The following ARMH3 variants were observed in gnomAD, a reference collection of about 807,000 sequenced individuals.
ARMH3 encodes the protein armadillo like helical domain containing 3.
Under a neutral mutation model 99.1 loss-of-function variants are expected in ARMH3, and 60 were observed. That is an observed-to-expected ratio of 0.61 (90% CI 0.49 to 0.75). The LOEUF is 0.75. Ranked by LOEUF, ARMH3 falls within the 30% of genes least tolerant of loss-of-function variation. The probability of loss-of-function intolerance (pLI) is 0.00; values close to 1 mark genes in which losing one functional copy is unlikely to be tolerated. For synonymous variants in ARMH3, 285 were observed against 292.8 expected (o/e 0.97, Z 0.27); for missense variants, 679 against 843.1 (o/e 0.81, Z 2.41).
chr10:102,045,129 C>CAAA (rs574856341), intron 1 of ARMH3, among the ~76,000 whole-genome samples: 924 of 80,580 alleles, frequency 0.011, 13 homozygotes, highest in African/African-American at 0.032. Flanking sequence ...GCCCTTGTCT[C>CAAA]AAAAAAAAAA....
intron 23 of ARMH3, among the ~76,000 whole-genome samples, chr10:101,903,075 G>A (rs1260754130): frequency 6.6e-6 from 1 of 152,166 alleles, no homozygotes; most frequent in African/African-American, 2.4e-5. Context: ...CTCCTGAAAG[G>A]TGACGCTACC....
intron 24 of ARMH3, among the ~76,000 whole-genome samples, chr10:101,887,592 CTTTTTTTTTTT>C (rs34624064): frequency 3.1e-5 from 3 of 96,846 alleles, no homozygotes; most frequent in Non-Finnish European, 6.0e-5. Flanking sequence ...CTCTCTCTCT[CTTTTTTTTTTT>C]TTTTTTTTTT....
chr10:101,896,512 G>T (rs2067839786), intron 23 of ARMH3, among the ~76,000 whole-genome samples: 1 of 152,180 alleles, frequency 6.6e-6, no homozygotes, highest in African/African-American at 2.4e-5. Flanking sequence ...GATGATGGTT[G>T]TACAACCCTA....
At chr10:101,963,289 C>T (rs555699428) in intron 20 of ARMH3, among the ~76,000 whole-genome samples, 32 of 151,240 alleles carry the variant, frequency 2.1e-4, no homozygotes, top group African/African-American at 7.3e-4. Context: ...ACTACAGGCA[C>T]CTGCCACCAC....
At position 102,025,141 on chromosome 10, in the gene ARMH3, A is replaced by G. The variant is rs1266398190; in HGVS notation, c.507+15T>C. ...TCCTGTCAATTAATACCCTTGACAA[A>G]CATAGGTCACTTACGGTCACTAAGC... On this transcript the variant is annotated intron_variant, in intron 6 of 25. Coordinates refer to ENST00000370033, the MANE Select transcript of ARMH3 (RefSeq NM_024541.3). 3.1e-6 allele frequency: 5 copies of G among 1,600,402 alleles called. No individual in the cohort carries two copies. Among genetic ancestry groups the G allele is most frequent in the Non-Finnish European group, 4.3e-6 (5 of 1,167,790 alleles).
At chr10:101,924,380 G>A (rs75000518) in intron 23 of ARMH3, among the ~76,000 whole-genome samples, 1 of 68,536 alleles carries the variant, frequency 1.5e-5, no homozygotes, top group Admixed American at 1.6e-4. Flanking sequence ...TTTTTTTTTT[G>A]AGACAGAGTC....
chr10:101,949,740 A>C (rs577882097), intron 22 of ARMH3, among the ~76,000 whole-genome samples: 4 of 152,312 alleles, frequency 2.6e-5, no homozygotes, highest in Admixed American at 2.6e-4. Flanking sequence ...AAATTAACTA[A>C]TATTGAAACC....
At chr10:102,032,396 T>C (rs2067151294) in intron 4 of ARMH3, among the ~76,000 whole-genome samples, 1 of 152,106 alleles carries the variant, frequency 6.6e-6, no homozygotes, top group African/African-American at 2.4e-5. Context: ...AATTACAGAT[T>C]CCTTTCAAAA....
At chr10:101,992,112 C>G in intron 17 of ARMH3, 74 bp from the exon 18 acceptor site, 4 of 1,223,156 alleles carry the variant, frequency 3.3e-6, no homozygotes, top group South Asian at 1.2e-5. Flanking sequence ...TCATCATGTT[C>G]CTTGTGCAAA....
At chr10:101,915,612 C>T (rs1843044665) in intron 23 of ARMH3, among the ~76,000 whole-genome samples, 1 of 152,116 alleles carries the variant, frequency 6.6e-6, no homozygotes, top group African/African-American at 2.4e-5. Flanking sequence ...GAAGGAGGCA[C>T]AGTAGCTGTC....
In ARMH3 at chr10:101,847,558, G is replaced by C. The variant is rs543688559; in HGVS notation, c.2040C>G (p.Val680=). ...NLAFHTLSQE[V]LLKEFSTIS ...AGATAGTGGAGAACTCCTTGAGCAG[G>C]ACTTCTTGGCTGAGTGTGTGGAAGG... The change falls in exon 26 of 26, where the codon GTC becomes GTG. Residue 680 remains valine (V), a synonymous_variant. Coordinates refer to ENST00000370033, the MANE Select transcript of ARMH3 (RefSeq NM_024541.3). 6.2e-7 allele frequency: 1 copy of C among 1,614,176 alleles called. No individual in the cohort carries two copies. Among genetic ancestry groups the C allele is most frequent in the Admixed American group, 1.7e-5 (1 of 60,024 alleles).
At chr10:101,856,345 A>C (rs1251973766) in intron 24 of ARMH3, among the ~76,000 whole-genome samples, 1 of 152,198 alleles carries the variant, frequency 6.6e-6, no homozygotes, top group East Asian at 1.9e-4. Flanking sequence ...TTTAGATGGA[A>C]GCTTGAAATT....
intron 9 of ARMH3, among the ~76,000 whole-genome samples, chr10:102,013,317 T>C (rs977567954): frequency 1.3e-5 from 2 of 152,206 alleles, no homozygotes; most frequent in Admixed American, 6.5e-5. Flanking sequence ...TAAAGGCAAG[T>C]AGCATTCAAT....
Position 101,846,061 on chromosome 10 carries a change from T to C in ARMH3, c.*1467A>G, listed in dbSNP as rs1051767905. ...GTTGGGAAAGCCTATAGTGGTTCCA[T>C]GGAGGCTATCCAAGGGAGGAACCAC... On this transcript the variant is annotated 3_prime_UTR_variant, in exon 26 of 26. Transcript: ENST00000370033. 1.3e-5 allele frequency: 2 copies of C among 152,176 alleles called. No individual in the cohort carries two copies. Among genetic ancestry groups the C allele is most frequent in the African/African-American group, 4.8e-5 (2 of 41,426 alleles). 9.4% of individuals were successfully genotyped at this position (152,176 alleles called of 1,614,324 possible). A position where few individuals can be genotyped will look rare whatever the true frequency, so the allele number is the denominator to read the frequency against.
chr10:102,025,294 C>T (rs1463336702), intron 5 of ARMH3, 46 bp from the exon 6 acceptor site: 2 of 1,483,122 alleles, frequency 1.3e-6, no homozygotes, highest in Non-Finnish European at 9.4e-7. Flanking sequence ...AGATAACACC[C>T]CACCTTTGTC....
At chr10:101,908,202 A>G (rs1329123922) in intron 23 of ARMH3, among the ~76,000 whole-genome samples, 2 of 152,268 alleles carry the variant, frequency 1.3e-5, no homozygotes, top group Admixed American at 1.3e-4. Flanking sequence ...GCTGCATTGT[A>G]TAAGATATTA....
At chr10:102,052,384 C>A (rs989987766) in intron 1 of ARMH3, among the ~76,000 whole-genome samples, 1 of 152,068 alleles carries the variant, frequency 6.6e-6, no homozygotes, top group Non-Finnish European at 1.5e-5. Context: ...CTGCCACACC[C>A]GGCTCATTTT....
intron 19 of ARMH3, among the ~76,000 whole-genome samples, chr10:101,979,134 T>C (rs1846130024): frequency 6.6e-6 from 1 of 151,886 alleles, no homozygotes; most frequent in African/African-American, 2.4e-5. Flanking sequence ...ACCCTGTCTC[T>C]AGAAAAAATA....
chr10:101,914,964 T>C (rs954578920), intron 23 of ARMH3, among the ~76,000 whole-genome samples: 2 of 151,984 alleles, frequency 1.3e-5, no homozygotes, highest in Non-Finnish European at 2.9e-5. Flanking sequence ...TAATTACAGC[T>C]TTTTGTTACT....
Sources: gnomAD v4.1 joint callset for allele counts (sites outside exome capture counted in the v4.1 genomes callset) on GRCh38, gnomAD v4.1.1 for gene constraint, MANE v1.5 for transcripts, NCBI Gene and HGNC (gene_info 2026-07-23, HGNC 2026-07-21) for gene names.